FRMD3: variants seen among roughly 807,000 people sequenced by gnomAD.
The protein encoded by FRMD3 is FERM domain containing 3.
In FRMD3, 33 loss-of-function variants were observed where a neutral mutation model predicts 70.2. The ratio of observed to expected loss-of-function variants is 0.47; its 90% CI spans 0.36 to 0.63. FRMD3 has a LOEUF of 0.63. FRMD3 is among the 20% of genes least tolerant of loss of function. The pLI is 0.00. For missense variants in FRMD3, 632 were observed against 711.4 expected, an observed-to-expected ratio of 0.89 and a Z score of 1.27; for synonymous variants, 279 against 255.9, an observed-to-expected ratio of 1.09 and a Z score of -0.86.
intron 1 of FRMD3, among the ~76,000 whole-genome samples, chr9:83,529,184 T>A (rs922004868): frequency 6.6e-5 from 10 of 152,152 alleles, no homozygotes; most frequent in African/African-American, 2.4e-4. Context: ...GTGGAAAAGG[T>A]AAACAACACC....
In FRMD3 at chr9:83,246,516, A is replaced by G; in HGVS notation, c.*1402T>C. ...ACTACTTTACCCAGGCTGAACTGGT[A>G]TGTCATCTCATGAGGCCTCTCCAGT... On this transcript the variant is annotated 3_prime_UTR_variant, in exon 14 of 14. Coordinates refer to ENST00000304195, the MANE Select transcript of FRMD3 (RefSeq NM_174938.6). 1.0e-6 allele frequency: 1 copy of G among 985,208 alleles called. No individual in the cohort carries two copies. Among genetic ancestry groups the G allele is most frequent in the Non-Finnish European group, 1.2e-6 (1 of 829,868 alleles). 61.0% of individuals were successfully genotyped at this position (985,208 alleles called of 1,614,324 possible).
intron 13 of FRMD3, among the ~76,000 whole-genome samples, chr9:83,254,530 A>C (rs2118593507): frequency 6.6e-6 from 1 of 152,090 alleles, no homozygotes; most frequent in East Asian, 1.9e-4. Flanking sequence ...GAAATAACCA[A>C]GATCAGAGAG....
At position 83,357,239 on chromosome 9, in the gene FRMD3, A is replaced by T. The variant is rs113815555; in HGVS notation, c.296-7482T>A. 1.8e-3 allele frequency among the ~76,000 whole-genome samples: 36 copies of T among 20,270 alleles called. 4 individuals are homozygous for T. The highest frequency in any genetic ancestry group is 0.016 in the South Asian group (7 of 444). The allele number at this position is 20,270 out of a possible 152,430, so 13.3% of individuals were successfully genotyped here. A position where few individuals can be genotyped will look rare whatever the true frequency, so the allele number is the denominator to read the frequency against. On this transcript the variant is annotated intron_variant, in intron 3 of 13. Transcript: ENST00000304195. ...AATATATATATTTTATATATATATAATACATACATATATATATATATATAT... is the reference window on the plus strand; with the variant it reads ...AATATATATATTTTATATATATATATTACATACATATATATATATATATAT...
the FRMD3 span, among the ~76,000 whole-genome samples, chr9:83,550,725 C>T: frequency 1.3e-4 from 10 of 79,392 alleles, no homozygotes; most frequent in African/African-American, 2.8e-4. Flanking sequence ...TGTGTGTGTG[C>T]ATTCATGTGT....
At chr9:83,530,444 T>C (rs1310499868) in intron 1 of FRMD3, among the ~76,000 whole-genome samples, 1 of 152,194 alleles carries the variant, frequency 6.6e-6, no homozygotes. Flanking sequence ...GACAAATCTA[T>C]ACAGACAGGA....
At chr9:83,380,779 C>T (rs980166744) in intron 2 of FRMD3, among the ~76,000 whole-genome samples, 1 of 152,188 alleles carries the variant, frequency 6.6e-6, no homozygotes, top group African/African-American at 2.4e-5. Context: ...TTTACTTTCT[C>T]AAAGCCCTTG....
intron 1 of FRMD3, among the ~76,000 whole-genome samples, chr9:83,407,903 T>TCTCA (rs1205224020): frequency 7.1e-6 from 1 of 141,332 alleles, no homozygotes. Context: ...TCTCTCTCTC[T>TCTCA]CATCTTTCTC....
chr9:83,565,997 A>C, the FRMD3 span, among the ~76,000 whole-genome samples: 3 of 152,336 alleles, frequency 2.0e-5, no homozygotes, highest in Non-Finnish European at 4.4e-5. Context: ...AAAAAATTGA[A>C]ATGGCCATAT....
chr9:83,315,658 G>A (rs1481883328), intron 6 of FRMD3, among the ~76,000 whole-genome samples: 2 of 152,186 alleles, frequency 1.3e-5, no homozygotes. Context: ...CTCCAGCCAT[G>A]CTTCCTGTTC....
At chr9:83,534,491 G>T (rs761987409) in intron 1 of FRMD3, among the ~76,000 whole-genome samples, 1 of 152,186 alleles carries the variant, frequency 6.6e-6, no homozygotes, top group Non-Finnish European at 1.5e-5. Flanking sequence ...AAGATCCTAG[G>T]GGGTGGGGAG....
chr9:83,512,294 G>C (rs908141428), intron 1 of FRMD3, among the ~76,000 whole-genome samples: 1 of 152,174 alleles, frequency 6.6e-6, no homozygotes, highest in Admixed American at 6.5e-5. Context: ...GGATATTCTA[G>C]ACACTGGGGT....
intron 1 of FRMD3, among the ~76,000 whole-genome samples, chr9:83,461,230 G>C (rs1457708085): frequency 1.3e-5 from 2 of 152,164 alleles, no homozygotes; most frequent in Admixed American, 1.3e-4. Flanking sequence ...CACAATCAGA[G>C]GGAAAATTTG....
At chr9:83,476,003 A>C (rs2131467051) in intron 1 of FRMD3, among the ~76,000 whole-genome samples, 1 of 152,336 alleles carries the variant, frequency 6.6e-6, no homozygotes, top group African/African-American at 2.4e-5. Flanking sequence ...CCTATGAATC[A>C]AGCAAATGCA....
At chr9:83,550,687 A>T in the FRMD3 span, among the ~76,000 whole-genome samples, 6 of 138,868 alleles carry the variant, frequency 4.3e-5, no homozygotes, top group African/African-American at 1.4e-4. Context: ...AGTCCTAGGT[A>T]GTGTGTGTGT....
At chr9:83,305,451 C>A (rs957092756) in intron 10 of FRMD3, among the ~76,000 whole-genome samples, 1 of 152,198 alleles carries the variant, frequency 6.6e-6, no homozygotes, top group Non-Finnish European at 1.5e-5. Flanking sequence ...AAGAGATTAA[C>A]AGCTTTGTTC....
At chr9:83,425,724 G>A (rs1427001258) in intron 1 of FRMD3, among the ~76,000 whole-genome samples, 1 of 135,878 alleles carries the variant, frequency 7.4e-6, no homozygotes, top group Non-Finnish European at 1.5e-5. Flanking sequence ...TGGCCAACAT[G>A]ATGAAACCCC....
intron 2 of FRMD3, among the ~76,000 whole-genome samples, chr9:83,382,390 G>C (rs1825384354): frequency 6.6e-6 from 1 of 152,132 alleles, no homozygotes; most frequent in Non-Finnish European, 1.5e-5. Flanking sequence ...AGAGTAAAAA[G>C]ACCAGTTACA....
chr9:83,450,363 T>G lies in FRMD3; in HGVS notation c.148-60655A>C, dbSNP rs1042817969. On this transcript the variant is annotated intron_variant, in intron 1 of 13. Transcript: ENST00000304195. ...TCACCCTCAGTTTTTTTTTTTTTTT[T>G]TTTTTTTATTATACTCTAAGTTTTA... 5.6e-5 allele frequency among the ~76,000 whole-genome samples: 8 copies of G among 142,788 alleles called. 2 individuals carry two copies. The South Asian group carries it at 1.6e-3, about 28-fold the overall frequency. 93.7% of individuals were successfully genotyped at this position (142,788 alleles called of 152,430 possible).
In FRMD3 at chr9:83,442,811, C is replaced by T. The variant is rs539515322; in HGVS notation, c.148-53103G>A. ...TCCCTTTCATCTCCCCTCTCCTCCC[C>T]ATCTCATTCTGTTCCTTTCACATTT... On this transcript the variant is annotated intron_variant, in intron 1 of 13. Transcript: ENST00000304195. Among the ~76,000 whole-genome samples, 3 of 152,252 alleles carry T rather than the reference C, an allele frequency of 2.0e-5. No individual in the cohort carries two copies. In the East Asian group the frequency reaches 5.8e-4, roughly 29 times the overall value.
Sources: allele counts gnomAD v4.1 joint callset (sites outside exome capture counted in the v4.1 genomes callset), GRCh38; gene constraint gnomAD v4.1.1; transcripts MANE v1.5; gene names NCBI Gene and HGNC (gene_info 2026-07-23, HGNC 2026-07-21).